Variants in COL13A1 observed in about 807,000 individuals in gnomAD.
COL13A1 encodes the protein collagen type XIII alpha 1 chain.
A neutral mutation model predicts 130.9 loss-of-function variants in COL13A1; 89 were observed. The ratio of observed to expected loss-of-function variants is 0.68; its 90% CI spans 0.57 to 0.81. The LOEUF (loss-of-function observed/expected upper bound fraction) is 0.81. COL13A1 is among the 30% of genes least tolerant of loss of function. The pLI, the probability that COL13A1 is intolerant of heterozygous loss-of-function variation, is 0.00. For missense variants in COL13A1, 879 were observed against 934.6 expected (o/e 0.94, Z 0.78); for synonymous variants, 402 against 341.6 (o/e 1.18, Z -1.95).
chr10:69,821,415 C>T (rs1846045199), intron 1 of COL13A1, among the ~76,000 whole-genome samples: 1 of 152,250 alleles, frequency 6.6e-6, no homozygotes, highest in African/African-American at 2.4e-5. Context: ...AGTCTCCTCT[C>T]TGTGCTTCAA....
intron 2 of COL13A1, among the ~76,000 whole-genome samples, chr10:69,823,602 G>C (rs976597406): frequency 6.6e-6 from 1 of 152,218 alleles, no homozygotes; most frequent in Non-Finnish European, 1.5e-5. Flanking sequence ...CCAGGGAAGA[G>C]AGGCTGACAG....
intron 7 of COL13A1, among the ~76,000 whole-genome samples, chr10:69,886,041 C>A (rs1046150425): frequency 2.0e-5 from 3 of 152,160 alleles, no homozygotes; most frequent in Admixed American, 6.5e-5. Context: ...TCAGGGAGGA[C>A]CCTAGCAGCC....
intron 17 of COL13A1, among the ~76,000 whole-genome samples, chr10:69,915,041 G>T (rs1288820277): frequency 6.6e-6 from 1 of 152,216 alleles, no homozygotes; most frequent in Non-Finnish European, 1.5e-5. Flanking sequence ...CTGATACTTG[G>T]GTTGGCCAAG....
chr10:69,906,346 C>T (rs371764733), intron 17 of COL13A1, among the ~76,000 whole-genome samples: 2 of 152,166 alleles, frequency 1.3e-5, no homozygotes, highest in African/African-American at 4.8e-5. Context: ...TTCTGCTAAT[C>T]TCACCTGGGC....
Position 69,952,956 on chromosome 10 carries a change from C to T in COL13A1, c.2133C>T (p.Ala711=). ...ACCAAGGAGCGCCTGGATTAGATGCCCCCTGCCCATTGGTATGTTTTTGTT... is the reference window on the plus strand; with the variant it reads ...ACCAAGGAGCGCCTGGATTAGATGCTCCCTGCCCATTGGTATGTTTTTGTT... ...KGDQGAPGLD[A]PCPLGEDGLP... The change falls in exon 39 of 41, where the codon GCC becomes GCT. Residue 711 remains alanine, a synonymous_variant. Coordinates refer to ENST00000645393, the MANE Select transcript of COL13A1 (RefSeq NM_001368882.1). The T allele has an allele frequency of 6.5e-7, 1 of 1,542,632 alleles. No individual in the cohort carries two copies. The highest frequency in any genetic ancestry group is 8.7e-7 in the Non-Finnish European group (1 of 1,151,824).
chr10:69,918,371 C>T (rs542217339), intron 19 of COL13A1, 54 bp downstream of exon 19: 117 of 1,577,438 alleles, frequency 7.4e-5, no homozygotes, highest in Middle Eastern at 1.7e-4. Context: ...GAGAAGAGAG[C>T]GGGCAGAGCT....
At chr10:69,892,003 C>T (rs575620543) in intron 10 of COL13A1, among the ~76,000 whole-genome samples, 1 of 152,322 alleles carries the variant, frequency 6.6e-6, no homozygotes, top group East Asian at 1.9e-4. Flanking sequence ...GGCCGCTTTT[C>T]CTGCCCTCAT....
chr10:69,937,852 T>A, intron 34 of COL13A1, 137 bp downstream of exon 34: 1 of 593,566 alleles, frequency 1.7e-6, no homozygotes, highest in Non-Finnish European at 3.0e-6. Flanking sequence ...CTTTCCCACC[T>A]GGGCAAGACC....
At chr10:69,921,159 G>C (rs1379308278) in intron 21 of COL13A1, among the ~76,000 whole-genome samples, 1 of 152,162 alleles carries the variant, frequency 6.6e-6, no homozygotes, top group South Asian at 2.1e-4. Flanking sequence ...CCAAGGGGGA[G>C]AATCTGCTCC....
At chr10:69,936,909 A>G (rs2067002303) in intron 33 of COL13A1, 127 bp downstream of exon 33, 6 of 1,042,642 alleles carry the variant, frequency 5.8e-6, no homozygotes, top group African/African-American at 1.6e-5. Flanking sequence ...GGGTCCAGTC[A>G]GGGCAGGAGG....
At chr10:69,934,056 C>T (rs2066508074) in intron 31 of COL13A1, among the ~76,000 whole-genome samples, 1 of 152,074 alleles carries the variant, frequency 6.6e-6, no homozygotes, top group South Asian at 2.1e-4. Context: ...TACAATTCTA[C>T]ACATATTATA....
At chr10:69,882,790 A>T (rs2060268750) in intron 7 of COL13A1, among the ~76,000 whole-genome samples, 1 of 152,210 alleles carries the variant, frequency 6.6e-6, no homozygotes, top group Non-Finnish European at 1.5e-5. Flanking sequence ...CAGGAGTCTT[A>T]ACGAAGCCCA....
chr10:69,939,747 G>C (rs2067384244), intron 34 of COL13A1, among the ~76,000 whole-genome samples: 1 of 152,180 alleles, frequency 6.6e-6, no homozygotes, highest in Non-Finnish European at 1.5e-5. Context: ...TGGGACCCAG[G>C]CATCTGTTTT....
At chr10:69,932,457 A>G (rs1259952654) in intron 30 of COL13A1, 103 bp from the exon 31 acceptor site, 1 of 785,502 alleles carries the variant, frequency 1.3e-6, no homozygotes, top group Non-Finnish European at 2.2e-6. Context: ...GTTGACCCCT[A>G]GACCAGTCAC....
chr10:69,813,239 AC>A (rs1327850440), intron 1 of COL13A1, among the ~76,000 whole-genome samples: 1 of 151,882 alleles, frequency 6.6e-6, no homozygotes, highest in Non-Finnish European at 1.5e-5. Flanking sequence ...TGACCCCTGG[AC>A]CCCTGAGATC....
At chr10:69,896,896 T>A (rs531011499) in intron 13 of COL13A1, among the ~76,000 whole-genome samples, 1 of 152,358 alleles carries the variant, frequency 6.6e-6, no homozygotes, top group South Asian at 2.1e-4. Context: ...AGGTCAGCTG[T>A]GTTTATTTGA....
At chr10:69,916,634 G>A (rs958678684) in intron 17 of COL13A1, among the ~76,000 whole-genome samples, 12 of 152,182 alleles carry the variant, frequency 7.9e-5, no homozygotes, top group East Asian at 5.8e-4. Context: ...GCAGTGCCAC[G>A]ATGGTAGAGC....
At chr10:69,825,915 G>T (rs538554837) in intron 2 of COL13A1, among the ~76,000 whole-genome samples, 12 of 152,316 alleles carry the variant, frequency 7.9e-5, no homozygotes, top group African/African-American at 2.6e-4. Flanking sequence ...TTTGCCAAGG[G>T]AGTGATGGGC....
chr10:69,885,750 G>C (rs936911256), intron 7 of COL13A1, among the ~76,000 whole-genome samples: 15 of 152,188 alleles, frequency 9.9e-5, no homozygotes, highest in Non-Finnish European at 2.1e-4. Context: ...ACACTGGGAG[G>C]CTTCAGAGAT....
Sources: gnomAD v4.1 joint callset for allele counts (sites outside exome capture counted in the v4.1 genomes callset) on GRCh38, gnomAD v4.1.1 for gene constraint, MANE v1.5 for transcripts, NCBI Gene and HGNC (gene_info 2026-07-23, HGNC 2026-07-21) for gene names.